The following CECR2 variants were observed in gnomAD, a reference collection of about 807,000 sequenced individuals.
CECR2 encodes the protein CECR2 histone acetyl-lysine reader.
A neutral mutation model predicts 154.5 loss-of-function variants in CECR2; 30 were observed. That is an observed-to-expected ratio of 0.19 (90% CI 0.15 to 0.26). CECR2 has a LOEUF of 0.26. Ranked by LOEUF, CECR2 falls within the 10% of genes least tolerant of loss-of-function variation. The probability of loss-of-function intolerance (pLI) is 1.00; values close to 1 mark genes in which losing one functional copy is unlikely to be tolerated. For synonymous variants in CECR2, 725 were observed against 683.7 expected (o/e 1.06, Z -0.94); for missense variants, 1,743 against 1,829.3 (o/e 0.95, Z 0.86).
chr22:17,362,795 G>A (rs1299791606), intron 1 of CECR2, among the ~76,000 whole-genome samples: 5 of 150,842 alleles, frequency 3.3e-5, no homozygotes, highest in South Asian at 2.1e-4. Flanking sequence ...CCAGCTACTC[G>A]GGAGGCTGAG....
chr22:17,373,335 C>T (rs1231963843), intron 1 of CECR2, among the ~76,000 whole-genome samples: 1 of 152,034 alleles, frequency 6.6e-6, no homozygotes, highest in Non-Finnish European at 1.5e-5. Flanking sequence ...AGATAAGAAA[C>T]CTGCCAAGTA....
At chr22:17,531,412 G>A (rs761157469) in intron 9 of CECR2, among the ~76,000 whole-genome samples, 43 of 152,194 alleles carry the variant, frequency 2.8e-4, no homozygotes, top group Non-Finnish European at 5.1e-4. Context: ...CTTCCTCAGC[G>A]TGCCTCCCGT....
chr22:17,492,317 T>G (rs894125650), intron 2 of CECR2, among the ~76,000 whole-genome samples: 4 of 150,314 alleles, frequency 2.7e-5, no homozygotes, highest in South Asian at 2.1e-4. Flanking sequence ...CTTAAGAGTC[T>G]TCTTCTTGTG....
At chr22:17,376,721 C>G (rs568200691) in intron 1 of CECR2, among the ~76,000 whole-genome samples, 3 of 151,876 alleles carry the variant, frequency 2.0e-5, no homozygotes, top group African/African-American at 7.3e-5. Flanking sequence ...TCACTGCAAC[C>G]TCTGCCTCCT....
chr22:17,380,750 A>G (rs1319083665), intron 1 of CECR2, among the ~76,000 whole-genome samples: 1 of 152,236 alleles, frequency 6.6e-6, no homozygotes, highest in East Asian at 1.9e-4. Context: ...ATCACACCCA[A>G]TTAATAATTC....
chr22:17,536,766 C>G (rs752943509), intron 9 of CECR2, among the ~76,000 whole-genome samples: 5 of 152,096 alleles, frequency 3.3e-5, no homozygotes, highest in Admixed American at 1.3e-4. Flanking sequence ...CTCATTCAAC[C>G]TTGTACTTTT....
chr22:17,436,185 C>T (rs931659433), intron 1 of CECR2, among the ~76,000 whole-genome samples: 1 of 152,156 alleles, frequency 6.6e-6, no homozygotes, highest in African/African-American at 2.4e-5. Context: ...GTCTTGATCT[C>T]CTGATCTCGT....
At chr22:17,419,708 C>CTGTCTCCTCCTTCGTAGCGTGCTGT in intron 1 of CECR2, 1 of 302,672 alleles carries the variant, frequency 3.3e-6, no homozygotes, top group African/African-American at 2.2e-5. Context: ...CGAGCTGGAG[C>CTGTCTCCTCCTTCGTAGCGTGCTGT]TAGAGAGCTG....
chr22:17,481,056 A>G (rs1187513155), intron 2 of CECR2, among the ~76,000 whole-genome samples: 1 of 146,296 alleles, frequency 6.8e-6, no homozygotes, highest in African/African-American at 2.5e-5. Flanking sequence ...TTTTAAAAAA[A>G]AAAAAGGCCG....
upstream of CECR2, among the ~76,000 whole-genome samples, chr22:17,367,170 T>C (rs2063006527): frequency 6.6e-6 from 1 of 152,118 alleles, no homozygotes; most frequent in Non-Finnish European, 1.5e-5. Context: ...TGGCTCAGCC[T>C]TTAAATTGGG....
At position 17,552,741 on chromosome 22, in the gene CECR2, A is replaced by G. The variant is rs1323517846; in HGVS notation, c.4390-94A>G. On this transcript the variant is annotated intron_variant, in intron 18 of 18. Coordinates refer to ENST00000262608, the MANE Select transcript of CECR2 (RefSeq NM_001290047.2). ...AAACAGAATCAAGCCATTTTCACAC[A>G]TGAGGAGCTTGGACATTCTTTGGCT... The G allele has an allele frequency of 4.3e-6, 5 of 1,159,962 alleles. No homozygotes were observed. In the African/African-American group the frequency reaches 5.0e-5, roughly 12 times the overall value. 71.9% of individuals were successfully genotyped at this position (1,159,962 alleles called of 1,614,324 possible).
At chr22:17,496,080 A>G (rs557590226) in intron 2 of CECR2, among the ~76,000 whole-genome samples, 2 of 152,018 alleles carry the variant, frequency 1.3e-5, no homozygotes, top group South Asian at 4.1e-4. Context: ...ATTGCCATCT[A>G]GGTGTCTTAA....
At chr22:17,484,572 T>G (rs934514552) in intron 2 of CECR2, among the ~76,000 whole-genome samples, 1 of 152,170 alleles carries the variant, frequency 6.6e-6, no homozygotes, top group African/African-American at 2.4e-5. Context: ...ACCATTATTA[T>G]AGACTGTTTT....
chr22:17,509,206 G>A lies in CECR2; in HGVS notation c.871-2607G>A, dbSNP rs1385790899. On this transcript the variant is annotated intron_variant, in intron 7 of 18. Coordinates refer to ENST00000262608, the MANE Select transcript of CECR2 (RefSeq NM_001290047.2). Reference sequence around the variant, plus strand: ...GCAGAGGTTGCAGTGAGATGAGATCGCACCACTGCACTCCAGCCTGGGCGA... The same window carrying A: ...GCAGAGGTTGCAGTGAGATGAGATCACACCACTGCACTCCAGCCTGGGCGA... Among the ~76,000 whole-genome samples, 5 of 152,004 alleles carry A rather than the reference G, an allele frequency of 3.3e-5. No homozygotes were observed. The South Asian group carries it at 6.2e-4, about 19-fold the overall frequency.
chr22:17,460,238 T>G (rs1396162917), intron 1 of CECR2, among the ~76,000 whole-genome samples: 1 of 152,168 alleles, frequency 6.6e-6, no homozygotes, highest in Non-Finnish European at 1.5e-5. Flanking sequence ...GAGACAGAGT[T>G]TTGCTCTGTC....
At chr22:17,415,788 T>A (rs894654650) in intron 1 of CECR2, among the ~76,000 whole-genome samples, 8 of 152,232 alleles carry the variant, frequency 5.3e-5, no homozygotes, top group African/African-American at 1.9e-4. Flanking sequence ...CAATTTTGGT[T>A]TATCTGTTCT....
intron 8 of CECR2, among the ~76,000 whole-genome samples, chr22:17,518,023 G>C (rs1569136698): frequency 6.6e-6 from 1 of 152,126 alleles, no homozygotes. Flanking sequence ...CCTCTTCTGG[G>C]GAGATGGTGT....
At chr22:17,504,078 A>ATAAATAAATAAATAAG (rs71201834) in intron 6 of CECR2, among the ~76,000 whole-genome samples, 4 of 150,922 alleles carry the variant, frequency 2.7e-5, no homozygotes, top group African/African-American at 9.8e-5. Flanking sequence ...AAATAAATAA[A>ATAAATAAATAAATAAG]ATTTAAAAGT....
At chr22:17,396,839 A>T (rs1388516780) in intron 1 of CECR2, among the ~76,000 whole-genome samples, 5 of 152,226 alleles carry the variant, frequency 3.3e-5, no homozygotes, top group Admixed American at 6.5e-5. Flanking sequence ...TTATGAGGGT[A>T]GGTGAGAGAT....
Sources: allele counts gnomAD v4.1 joint callset (sites outside exome capture counted in the v4.1 genomes callset), GRCh38; gene constraint gnomAD v4.1.1; transcripts MANE v1.5; gene names NCBI Gene and HGNC (gene_info 2026-07-23, HGNC 2026-07-21).